The following POLR2K variants were observed in gnomAD, a reference collection of about 807,000 sequenced individuals.
POLR2K encodes RNA polymerase II, I and III subunit K.
In POLR2K, 9 loss-of-function variants were observed where a neutral mutation model predicts 10.1. That is an observed-to-expected ratio of 0.89 (90% CI 0.54 to 1.56). The LOEUF is 1.56. POLR2K is among the 40% of genes most tolerant of loss of function. The pLI is 0.00. For synonymous variants in POLR2K, 19 were observed against 20.3 expected, an observed-to-expected ratio of 0.94 and a Z score of 0.17; for missense variants, 53 against 71.9, an observed-to-expected ratio of 0.74 and a Z score of 0.95.
intron 1 of POLR2K, among the ~76,000 whole-genome samples, chr8:100,150,987 G>A (rs577538414): frequency 1.3e-5 from 2 of 152,248 alleles, no homozygotes; most frequent in African/African-American, 4.8e-5. Context: ...TGTGTTAAAC[G>A]AGAACGCGAG....
chr8:100,152,135 G>C, intron 3 of POLR2K: 1 of 579,242 alleles, frequency 1.7e-6, no homozygotes, highest in African/African-American at 1.9e-5. Flanking sequence ...TAGGGATTCT[G>C]TGCAGTCAAG....
At chr8:100,151,068 G>T (rs895246883) in intron 1 of POLR2K, among the ~76,000 whole-genome samples, 10 of 152,202 alleles carry the variant, frequency 6.6e-5, no homozygotes, top group African/African-American at 2.4e-4. Flanking sequence ...ACATGTCTAA[G>T]TATCGGTTGC....
intron 3 of POLR2K, 122 bp from the exon 4 acceptor site, chr8:100,153,172 A>G (rs916096591): frequency 1.0e-5 from 7 of 697,456 alleles, no homozygotes; most frequent in Non-Finnish European, 1.7e-5. Context: ...AGTGAATTCC[A>G]TTCTTTTTTG....
rs746838998 is a variant in POLR2K at position 100,151,335 on chromosome 8, CTG to C, written c.-9-9_-9-8del. 2.5e-6 allele frequency: 4 copies of C among 1,580,488 alleles called. No homozygotes were observed. In the Admixed American group the frequency reaches 5.0e-5, roughly 20 times the overall value. On this transcript the variant is annotated splice_polypyrimidine_tract_variant and intron_variant, in intron 1 of 3. Transcript: ENST00000353107. ...CTTTTGAGATATTCAGTATTTGAGT[CTG>C]TGATTTCAGGGGCTAACAATGGACA...
chr8:100,151,652 T>C (rs1814920828), intron 2 of POLR2K, 172 bp from the exon 3 acceptor site: 1 of 600,730 alleles, frequency 1.7e-6, no homozygotes, highest in Non-Finnish European at 2.9e-6. Context: ...GAAATATGCA[T>C]GGCCTACAAC....
intron 2 of POLR2K, 121 bp downstream of exon 2, chr8:100,151,537 A>G (rs1814918874): frequency 8.3e-6 from 6 of 722,402 alleles, no homozygotes; most frequent in Non-Finnish European, 1.4e-5. Flanking sequence ...ACACTTTAGC[A>G]ACCATAAAAA....
intron 2 of POLR2K, 24 bp downstream of exon 2, chr8:100,151,440 TAAGA>T: frequency 4.9e-6 from 7 of 1,423,530 alleles, no homozygotes; most frequent in Non-Finnish European, 6.0e-6. Flanking sequence ...TTACCTAAAG[TAAGA>T]ATATTTTATT....
rs1814947139 is a variant in POLR2K, at chr8:100,153,503, A to G, written c.*187A>G. 2 of 489,198 alleles carry G rather than the reference A, an allele frequency of 4.1e-6. No homozygotes were observed. The highest frequency in any genetic ancestry group is 3.3e-5 in the South Asian group (1 of 30,100). The allele number at this position is 489,198 out of a possible 1,614,324, so 30.3% of individuals were successfully genotyped here. A position where few individuals can be genotyped will look rare whatever the true frequency, so the allele number is the denominator to read the frequency against. The stretch of plus-strand genomic sequence containing the variant: ...CAAACCTTTATACACTGTTTTTTCC[A>G]TATATATATACCTATGATAAAGTAT... On this transcript the variant is annotated 3_prime_UTR_variant, in exon 4 of 4. Transcript: ENST00000353107.
chr8:100,151,894 G>A lies in POLR2K; in HGVS notation c.132G>A (p.Met44Ile), dbSNP rs761795325. Residue 44 changes from methionine (M) to isoleucine (I), a missense_variant, in exon 3 of 4, where the codon ATG (methionine) becomes ATA (isoleucine). By Grantham distance (10) the Met-to-Ile change is conservative. Coordinates refer to ENST00000353107, the MANE Select transcript of POLR2K (RefSeq NM_005034.4). ...IRCRECGYRI[M>I]YKKRTKRLVV... ...GCAGAGAATGTGGATACAGAATAAT[G>A]TACAAGAAAAGGACTAAAAGATGTA... 2 of 1,506,674 alleles carry A rather than the reference G, an allele frequency of 1.3e-6. No individual in the cohort carries two copies. The highest frequency in any genetic ancestry group is 2.3e-5 in the South Asian group (2 of 87,944). The allele number at this position is 1,506,674 out of a possible 1,614,324, so 93.3% of individuals were successfully genotyped here. A position where few individuals can be genotyped will look rare whatever the true frequency, so the allele number is the denominator to read the frequency against.
chr8:100,151,445 A>G, intron 2 of POLR2K, 29 bp downstream of exon 2: 1 of 1,393,022 alleles, frequency 7.2e-7, no homozygotes, highest in Non-Finnish European at 1.0e-6. Flanking sequence ...TAAAGTAAGA[A>G]TATTTTATTT....
At position 100,150,716 on chromosome 8, in the gene POLR2K, G is replaced by A. The variant is rs1814905068; in HGVS notation, c.-10+7G>A. The A allele has an allele frequency of 6.5e-6, 1 of 152,768 alleles. No individual in the cohort carries two copies. Among genetic ancestry groups the A allele is most frequent in the South Asian group, 2.0e-4 (1 of 4,898 alleles). 9.5% of individuals were successfully genotyped at this position (152,768 alleles called of 1,614,324 possible). On this transcript the variant is annotated splice_region_variant and intron_variant, in intron 1 of 3. Coordinates refer to ENST00000353107, the MANE Select transcript of POLR2K (RefSeq NM_005034.4). ...GTTTTTCCGTGCTGTGTAGGTAAGC[G>A]AATTGGCGGGTTGGGGTTTGTGGTG...
Position 100,151,634 on chromosome 8 carries a change from C to T in POLR2K, c.62-190C>T, listed in dbSNP as rs144557199. ...ACAAAGCTCGTTGAGATTTCATTCT[C>T]TCTCCTGGAAATATGCATGGCCTAC... On this transcript the variant is annotated intron_variant, in intron 2 of 3. Transcript: ENST00000353107. The T allele has an allele frequency of 5.9e-3, 3,517 of 598,286 alleles. 19 individuals carry two copies. The highest frequency in any genetic ancestry group is 6.1e-3 in the Non-Finnish European group (2,064 of 337,916). The allele number at this position is 598,286 out of a possible 1,614,324, so 37.1% of individuals were successfully genotyped here. A position where few individuals can be genotyped will look rare whatever the true frequency, so the allele number is the denominator to read the frequency against.
At chr8:100,151,273 C>G (rs527254192) in intron 1 of POLR2K, 74 bp from the exon 2 acceptor site, 1 of 970,370 alleles carries the variant, frequency 1.0e-6, no homozygotes, top group African/African-American at 1.6e-5. Flanking sequence ...GTAGCTTTTC[C>G]TGAGAAAAAT....
intron 3 of POLR2K, among the ~76,000 whole-genome samples, chr8:100,152,734 G>A (rs1172555575): frequency 2.6e-5 from 4 of 152,164 alleles, no homozygotes; most frequent in South Asian, 2.1e-4. Context: ...CGGATTATCC[G>A]CTTTAACATT....
At position 100,153,590 on chromosome 8, in the gene POLR2K, T is replaced by C; in HGVS notation, c.*274T>C. On this transcript the variant is annotated 3_prime_UTR_variant, in exon 4 of 4. Coordinates refer to ENST00000353107, the MANE Select transcript of POLR2K (RefSeq NM_005034.4). Reference sequence around the variant, plus strand: ...ATGTAATAGAACAATGATAACATACTATAATAAAAGTTATGTGAATGTGGT... The same window carrying C: ...ATGTAATAGAACAATGATAACATACCATAATAAAAGTTATGTGAATGTGGT... 1 of 306,866 alleles carries C rather than the reference T, an allele frequency of 3.3e-6. No homozygotes were observed. The highest frequency in any genetic ancestry group is 5.9e-6 in the Non-Finnish European group (1 of 169,410). The allele number at this position is 306,866 out of a possible 1,614,324, so 19.0% of individuals were successfully genotyped here. A position where few individuals can be genotyped will look rare whatever the true frequency, so the allele number is the denominator to read the frequency against.
chr8:100,152,987 C>G (rs1322155115), intron 3 of POLR2K, among the ~76,000 whole-genome samples: 1 of 152,136 alleles, frequency 6.6e-6, no homozygotes, highest in East Asian at 1.9e-4. Context: ...CCAGGATGGT[C>G]TCGATCTCCT....
intron 2 of POLR2K, 60 bp from the exon 3 acceptor site, chr8:100,151,759 TTAAGA>T (rs1563759100): frequency 2.6e-6 from 2 of 759,170 alleles, no homozygotes; most frequent in Non-Finnish European, 4.5e-6. Flanking sequence ...AATAATACAT[TTAAGA>T]TAATTTGTCT....
In POLR2K at chr8:100,153,307, T is replaced by G; in HGVS notation, c.168T>G (p.Asp56Glu). 2 of 1,609,912 alleles carry G rather than the reference T, an allele frequency of 1.2e-6. No homozygotes were observed. Among genetic ancestry groups the G allele is most frequent in the Non-Finnish European group, 1.7e-6 (2 of 1,177,138 alleles). ...AAATTAATACAGTGGTCGTTTTTGA[T>G]GCTCGATGAATGCTGGGAATTCAGA... ...KKRTKRLVVF[D>E]AR Residue 56 changes from aspartate (D) to glutamate (E), a missense_variant, in exon 4 of 4, where the codon GAT becomes GAG. By Grantham distance (45) the Asp-to-Glu change is conservative (BLOSUM62 2). Coordinates refer to ENST00000353107, the MANE Select transcript of POLR2K (RefSeq NM_005034.4).
chr8:100,153,286 T>G lies in POLR2K; in HGVS notation c.155-8T>G. ...TACCGTTTTTGTCCTTAACTCAAAT[T>G]AATACAGTGGTCGTTTTTGATGCTC... On this transcript the variant is annotated splice_region_variant and splice_polypyrimidine_tract_variant and intron_variant, in intron 3 of 3. Transcript: ENST00000353107. 6.2e-7 allele frequency: 1 copy of G among 1,606,140 alleles called. No individual in the cohort carries two copies. Among genetic ancestry groups the G allele is most frequent in the East Asian group, 2.2e-5 (1 of 44,654 alleles).
Sources: gnomAD v4.1 joint callset for allele counts (sites outside exome capture counted in the v4.1 genomes callset) on GRCh38, gnomAD v4.1.1 for gene constraint, MANE v1.5 for transcripts, NCBI Gene and HGNC (gene_info 2026-07-23, HGNC 2026-07-21) for gene names.